The following SLC30A7 variants were observed in gnomAD, a reference collection of about 807,000 sequenced individuals.
SLC30A7 encodes solute carrier family 30 member 7.
A neutral mutation model predicts 46.0 loss-of-function variants in SLC30A7; 35 were observed. The ratio of observed to expected loss-of-function variants is 0.76; its 90% CI spans 0.58 to 1.01. The LOEUF (loss-of-function observed/expected upper bound fraction) is 1.01, where lower values mean the gene tolerates loss of function less well. Ranked by LOEUF, SLC30A7 falls within the 50% of genes least tolerant of loss-of-function variation. The pLI is 0.00. For synonymous variants in SLC30A7, 147 were observed against 157.8 expected (o/e 0.93, Z 0.51); for missense variants, 464 against 451.1 (o/e 1.03, Z -0.26).
chr1:100,915,981 G>A (rs1652516608), intron 6 of SLC30A7, among the ~76,000 whole-genome samples: 1 of 152,048 alleles, frequency 6.6e-6, no homozygotes, highest in Non-Finnish European at 1.5e-5. Flanking sequence ...GGTATGATAT[G>A]ATATCTTATT....
At chr1:100,945,115 C>T (rs543572702) in intron 8 of SLC30A7, among the ~76,000 whole-genome samples, 20 of 152,268 alleles carry the variant, frequency 1.3e-4, no homozygotes, top group African/African-American at 4.1e-4. Context: ...TCATATCCTT[C>T]TCCCACTTTT....
the SLC30A7 span, among the ~76,000 whole-genome samples, chr1:100,993,654 AT>A: frequency 5.5e-5 from 8 of 144,832 alleles, no homozygotes; most frequent in African/African-American, 2.0e-4. Flanking sequence ...TCTCAAAAAA[AT>A]TCTGTCAGTG....
At chr1:100,963,688 C>T (rs1655678414) in intron 9 of SLC30A7, among the ~76,000 whole-genome samples, 1 of 151,688 alleles carries the variant, frequency 6.6e-6, no homozygotes, top group Middle Eastern at 3.4e-3. Flanking sequence ...TCTGCACTGT[C>T]CAATATGGAA....
chr1:100,968,287 C>T (rs1655968480), intron 10 of SLC30A7, among the ~76,000 whole-genome samples: 1 of 151,836 alleles, frequency 6.6e-6, no homozygotes, highest in Admixed American at 6.6e-5. Context: ...ATGGTGAAAC[C>T]CCATCTCTAC....
chr1:100,965,885 G>T lies in SLC30A7; in HGVS notation c.1050G>T (p.Trp350Cys). The T allele has an allele frequency of 6.2e-7, 1 of 1,613,682 alleles. No homozygotes were observed. The highest frequency in any genetic ancestry group is 1.3e-5 in the African/African-American group (1 of 75,020). Residue 350 changes from tryptophan (W) to cysteine (C), a missense_variant, in exon 10 of 11, where the codon TGG (tryptophan) becomes TGT (cysteine). Transcript: ENST00000357650. ...LIVAPDADAR[W>C]ILSQTHNIFT... ...TAGCACCTGATGCTGATGCTAGGTG[G>T]ATTTTAAGCCAAACACATAATATTT... is the stretch of plus-strand genomic sequence containing the variant.
At chr1:100,953,076 T>G (rs114034138) in intron 8 of SLC30A7, among the ~76,000 whole-genome samples, 2,182 of 152,214 alleles carry the variant, frequency 0.014, 56 homozygotes, top group African/African-American at 0.05. Flanking sequence ...GATTTAAAAG[T>G]GTGTGGCACT....
chr1:100,958,539 A>C (rs770399135), intron 8 of SLC30A7, among the ~76,000 whole-genome samples: 1 of 151,982 alleles, frequency 6.6e-6, no homozygotes. Flanking sequence ...TGAGGCATTT[A>C]CTGTTGCTGG....
chr1:100,919,673 G>T (rs996043477), intron 7 of SLC30A7, among the ~76,000 whole-genome samples: 4 of 152,120 alleles, frequency 2.6e-5, no homozygotes, highest in African/African-American at 9.7e-5. Context: ...AGGAAAGGAA[G>T]TTAGATTTGC....
chr1:100,923,273 C>T (rs1354672806), intron 8 of SLC30A7, among the ~76,000 whole-genome samples: 1 of 150,714 alleles, frequency 6.6e-6, no homozygotes, highest in African/African-American at 2.4e-5. Context: ...GCCTCGGCCT[C>T]CCAAAGTGCT....
Position 100,906,873 on chromosome 1 carries a change from T to C in SLC30A7, c.204T>C (p.Ser68=), listed in dbSNP as rs1651710444. 6.2e-7 allele frequency: 1 copy of C among 1,613,044 alleles called. No homozygotes were observed. Among genetic ancestry groups the C allele is most frequent in the African/African-American group, 1.3e-5 (1 of 74,870 alleles). ...CCAGCTTAGGCTTGATTTCCGACTC[T>C]TTTCACATGTTTTTCGATAGCACTG... ...WSNCLGLISD[S]FHMFFDSTAI... The change falls in exon 3 of 11, where the codon TCT becomes TCC. Residue 68 remains serine, a synonymous_variant. Transcript: ENST00000357650.
At chr1:100,965,380 A>C (rs894499276) in intron 9 of SLC30A7, among the ~76,000 whole-genome samples, 2 of 152,186 alleles carry the variant, frequency 1.3e-5, no homozygotes, top group African/African-American at 4.8e-5. Context: ...GAATACATCT[A>C]ATGTTTCATC....
intron 3 of SLC30A7, among the ~76,000 whole-genome samples, chr1:100,910,710 G>A (rs547131505): frequency 6.6e-6 from 1 of 152,034 alleles, no homozygotes; most frequent in Non-Finnish European, 1.5e-5. Context: ...CTTTTTAGCC[G>A]TTAATCCTTC....
intron 6 of SLC30A7, among the ~76,000 whole-genome samples, chr1:100,916,838 T>C (rs939717010): frequency 2.0e-5 from 3 of 151,698 alleles, no homozygotes; most frequent in Non-Finnish European, 4.4e-5. Context: ...ATTTTTGTAC[T>C]CCACAAATAA....
intron 8 of SLC30A7, among the ~76,000 whole-genome samples, chr1:100,949,824 A>G (rs1654863314): frequency 6.6e-6 from 1 of 152,254 alleles, no homozygotes; most frequent in African/African-American, 2.4e-5. Flanking sequence ...TAAGCCAGGC[A>G]TGAGAGAGAA....
intron 8 of SLC30A7, among the ~76,000 whole-genome samples, chr1:100,927,378 T>G (rs1456481543): frequency 1.3e-5 from 2 of 152,054 alleles, no homozygotes; most frequent in African/African-American, 2.4e-5. Flanking sequence ...AAGAAACCTG[T>G]TAAACAGGAA....
chr1:100,983,339 T>TA (rs1198683248), downstream of SLC30A7, among the ~76,000 whole-genome samples: 1 of 114,574 alleles, frequency 8.7e-6, no homozygotes, highest in African/African-American at 3.3e-5. Context: ...TCTAGTTCAT[T>TA]AAAACATTAT....
chr1:100,929,443 T>TA (rs1470576404), intron 8 of SLC30A7, among the ~76,000 whole-genome samples: 3 of 152,158 alleles, frequency 2.0e-5, no homozygotes, highest in Non-Finnish European at 4.4e-5. Flanking sequence ...TTCAAATTGG[T>TA]AAAAATTTGC....
At chr1:100,987,788 C>A in the SLC30A7 span, among the ~76,000 whole-genome samples, 2 of 151,686 alleles carry the variant, frequency 1.3e-5, no homozygotes, top group Admixed American at 6.6e-5. Context: ...TTTTATCATA[C>A]TCTGAAGAGT....
chr1:100,950,149 GTA>G (rs1654881757), intron 8 of SLC30A7, among the ~76,000 whole-genome samples: 4 of 152,282 alleles, frequency 2.6e-5, no homozygotes, highest in Middle Eastern at 6.8e-3. Flanking sequence ...CTCTTAATCT[GTA>G]TGTTAATTTC....
Sources: gnomAD v4.1 joint callset for allele counts (sites outside exome capture counted in the v4.1 genomes callset) on GRCh38, gnomAD v4.1.1 for gene constraint, MANE v1.5 for transcripts, NCBI Gene and HGNC (gene_info 2026-07-23, HGNC 2026-07-21) for gene names.